The following TIAM1 variants were observed in gnomAD, a reference collection of about 807,000 sequenced individuals.
TIAM1 encodes TIAM Rac1 associated GEF 1, also known as rho guanine nucleotide exchange factor TIAM1.
Under a neutral mutation model 163.5 loss-of-function variants are expected in TIAM1, and 65 were observed. The observed-to-expected ratio is 0.40, with a 90% confidence interval of 0.33 to 0.49. The LOEUF (loss-of-function observed/expected upper bound fraction) is 0.49. Ranked by LOEUF, TIAM1 falls within the 20% of genes least tolerant of loss-of-function variation. TIAM1 has a pLI of 0.77. For missense variants in TIAM1, 1,789 were observed against 2,044.7 expected (o/e 0.87, Z 2.41); for synonymous variants, 833 against 810.1 (o/e 1.03, Z -0.48).
chr21:31,223,920 G>A (rs1446574858), intron 7 of TIAM1, among the ~76,000 whole-genome samples: 1 of 152,116 alleles, frequency 6.6e-6, no homozygotes, highest in Non-Finnish European at 1.5e-5. Context: ...CATCACCAAA[G>A]AACTATATGA....
intron 9 of TIAM1, among the ~76,000 whole-genome samples, chr21:31,216,110 C>T (rs80021789): frequency 0.03 from 4,554 of 152,162 alleles, 233 homozygotes; most frequent in African/African-American, 0.1. Flanking sequence ...GCAGAGGGTG[C>T]GGTTAGCCGA....
intron 2 of TIAM1, among the ~76,000 whole-genome samples, chr21:31,323,278 A>G (rs2075376280): frequency 1.3e-5 from 2 of 151,422 alleles, no homozygotes; most frequent in Admixed American, 1.3e-4. Flanking sequence ...ACAGAGCGAG[A>G]CTTTGATTCA....
intron 5 of TIAM1, among the ~76,000 whole-genome samples, chr21:31,246,996 A>C (rs1184258727): frequency 6.6e-6 from 1 of 152,058 alleles, no homozygotes; most frequent in Non-Finnish European, 1.5e-5. Context: ...TCTTTTTTCA[A>C]AGGTAAAGCC....
At chr21:31,158,767 A>T (rs1216428376) in intron 16 of TIAM1, among the ~76,000 whole-genome samples, 2 of 152,142 alleles carry the variant, frequency 1.3e-5, no homozygotes, top group African/African-American at 2.4e-5. Flanking sequence ...TGTGGGGCTC[A>T]GCTTTTAAAT....
At chr21:31,558,284 G>A (rs1444944256) in intron 1 of TIAM1, among the ~76,000 whole-genome samples, 6 of 152,134 alleles carry the variant, frequency 3.9e-5, no homozygotes, top group South Asian at 2.1e-4. Flanking sequence ...GCCCGGATGA[G>A]GCATTGTCTG....
intron 2 of TIAM1, among the ~76,000 whole-genome samples, chr21:31,285,191 C>G (rs995061132): frequency 1.8e-4 from 28 of 151,736 alleles, no homozygotes; most frequent in African/African-American, 4.4e-4. Context: ...AAGCCACCCC[C>G]CCAAGCCAAT....
chr21:31,446,860 A>G (rs938899027), intron 2 of TIAM1, among the ~76,000 whole-genome samples: 28 of 152,202 alleles, frequency 1.8e-4, no homozygotes, highest in African/African-American at 6.3e-4. Flanking sequence ...GCAAAACAGT[A>G]AAGTTCACAT....
In TIAM1 at chr21:31,213,417, T is replaced by C. The variant is rs1454496063; in HGVS notation, c.2198A>G (p.Asp733Gly). Reference protein sequence around the residue: ...VKKSLEGIFDDIVPDGKREKE... With the variant: ...VKKSLEGIFDGIVPDGKREKE... ...TTTTACCTTGCCATCTGGAACAATGTCATCAAATATTCCCTCTAAAGATTT... is the reference window on the plus strand; with the variant it reads ...TTTTACCTTGCCATCTGGAACAATGCCATCAAATATTCCCTCTAAAGATTT... Residue 733 changes from aspartate (D) to glycine (G), a missense_variant, in exon 10 of 28, where the codon GAC becomes GGC. By Grantham distance (94) the Asp-to-Gly change is moderately conservative. This residue lies in a region of TIAM1 where 456 missense variants were observed against 586.6 expected (regional missense o/e 0.78). Coordinates refer to ENST00000541036, the MANE Select transcript of TIAM1 (RefSeq NM_001353694.2). The C allele has an allele frequency of 6.2e-7, 1 of 1,610,702 alleles. No individual in the cohort carries two copies. The highest frequency in any genetic ancestry group is 1.7e-5 in the Admixed American group (1 of 58,886).
At chr21:31,473,525 TG>T (rs2045830398) in intron 1 of TIAM1, among the ~76,000 whole-genome samples, 1 of 74,556 alleles carries the variant, frequency 1.3e-5, no homozygotes, top group South Asian at 3.5e-4. Context: ...AGGTTAATTT[TG>T]TTTTTTTTTG....
chr21:31,241,426 A>C (rs2071170031), intron 6 of TIAM1, among the ~76,000 whole-genome samples: 1 of 152,220 alleles, frequency 6.6e-6, no homozygotes, highest in Admixed American at 6.5e-5. Flanking sequence ...AAAGACTAGG[A>C]AACTTATTGC....
chr21:31,197,951 G>C (rs772566532), intron 12 of TIAM1, among the ~76,000 whole-genome samples: 1 of 151,856 alleles, frequency 6.6e-6, no homozygotes, highest in Non-Finnish European at 1.5e-5. Flanking sequence ...GGGTATGAAC[G>C]CAAAGGGAAC....
intron 1 of TIAM1, among the ~76,000 whole-genome samples, chr21:31,467,454 C>T (rs536865591): frequency 1.7e-4 from 26 of 151,548 alleles, no homozygotes; most frequent in Non-Finnish European, 3.5e-4. Context: ...GGTGAAACCC[C>T]GTGTCTACTA....
chr21:31,493,365 TG>T (rs1334805904), intron 1 of TIAM1, among the ~76,000 whole-genome samples: 1 of 152,018 alleles, frequency 6.6e-6, no homozygotes, highest in Non-Finnish European at 1.5e-5. Context: ...AGATATAAAA[TG>T]ATAGCTTTAA....
chr21:31,309,235 A>G (rs754220218), intron 2 of TIAM1, among the ~76,000 whole-genome samples: 31 of 152,142 alleles, frequency 2.0e-4, no homozygotes, highest in Non-Finnish European at 3.4e-4. Flanking sequence ...AGGTGGACAA[A>G]TCACCTGTGG....
At chr21:31,501,016 G>A (rs1045569551) in intron 1 of TIAM1, among the ~76,000 whole-genome samples, 1 of 152,146 alleles carries the variant, frequency 6.6e-6, no homozygotes, top group Non-Finnish European at 1.5e-5. Context: ...TTCAGGAAAG[G>A]CTATCTTTGC....
intron 1 of TIAM1, among the ~76,000 whole-genome samples, chr21:31,535,185 AG>A (rs1164793109): frequency 1.3e-5 from 2 of 151,974 alleles, no homozygotes; most frequent in Admixed American, 6.6e-5. Flanking sequence ...GTTCGAGACC[AG>A]CCTGGCCAAT....
At chr21:31,172,413 T>A (rs2146395846) in intron 15 of TIAM1, among the ~76,000 whole-genome samples, 1 of 152,236 alleles carries the variant, frequency 6.6e-6, no homozygotes, top group African/African-American at 2.4e-5. Context: ...ATGACAGAAA[T>A]TGGAGGAATT....
intron 4 of TIAM1, among the ~76,000 whole-genome samples, chr21:31,264,170 G>T (rs975673118): frequency 6.6e-6 from 1 of 152,000 alleles, no homozygotes; most frequent in African/African-American, 2.4e-5. Flanking sequence ...GTGCATGTTT[G>T]TTACATGGAT....
At chr21:31,470,206 T>C (rs1304369264) in intron 1 of TIAM1, among the ~76,000 whole-genome samples, 2 of 151,852 alleles carry the variant, frequency 1.3e-5, no homozygotes, top group East Asian at 2.0e-4. Flanking sequence ...GGTTTCACCA[T>C]ATTGGCCAGG....
Sources: allele counts gnomAD v4.1 joint callset (sites outside exome capture counted in the v4.1 genomes callset), GRCh38; gene constraint gnomAD v4.1.1; regional missense constraint gnomAD v4.1.1; transcripts MANE v1.5; gene names NCBI Gene and HGNC (gene_info 2026-07-23, HGNC 2026-07-21).